Variants in LAMA2 observed in about 807,000 individuals in gnomAD.
LAMA2 encodes laminin subunit alpha-2.
Under a neutral mutation model 364.8 loss-of-function variants are expected in LAMA2, and 269 were observed. That is an observed-to-expected ratio of 0.74 (90% CI 0.67 to 0.82). LAMA2 has a LOEUF of 0.82. LAMA2 is among the 40% of genes least tolerant of loss of function. The pLI is 0.00. For synonymous variants in LAMA2, 1,379 were observed against 1,370.6 expected (o/e 1.01, Z -0.14); for missense variants, 3,807 against 3,873.2 (o/e 0.98, Z 0.45).
rs149867744 is a variant in LAMA2, at chr6:129,481,349, A to G, written c.7659A>G (p.Ser2553=). Residue 2553 remains serine (S), a synonymous_variant, in exon 55 of 65, where the codon TCA becomes TCG. Transcript: ENST00000421865. The part of the protein sequence containing the change: ...PIDVGTEINL[S]FSTKNESGII... ...ATGTAGGAACAGAAATCAACCTGTC[A>G]TTCAGCACCAAGAATGAGTCCGGCA... The G allele has an allele frequency of 1.7e-4, 270 of 1,613,918 alleles. 2 individuals carry two copies. Among genetic ancestry groups the G allele is most frequent in the Non-Finnish European group, 2.1e-4 (251 of 1,179,856 alleles).
intron 1 of LAMA2, among the ~76,000 whole-genome samples, chr6:128,936,699 A>G (rs946487379): frequency 2.0e-5 from 3 of 152,190 alleles, no homozygotes; most frequent in Admixed American, 1.3e-4. Flanking sequence ...CCCCCTCAAA[A>G]TATCTTATTG....
chr6:129,343,220 G>A (rs1776364847), intron 30 of LAMA2, among the ~76,000 whole-genome samples: 1 of 152,118 alleles, frequency 6.6e-6, no homozygotes. Flanking sequence ...ATTTGCTTTT[G>A]AAAATAATGT....
At chr6:128,896,319 T>G (rs1776768389) in intron 1 of LAMA2, among the ~76,000 whole-genome samples, 1 of 152,062 alleles carries the variant, frequency 6.6e-6, no homozygotes, top group Non-Finnish European at 1.5e-5. Context: ...ATTTCTTTGT[T>G]AGGAGGTGTT....
At chr6:129,349,166 A>G (rs777364919) in intron 30 of LAMA2, 132 bp from the exon 31 acceptor site, 11 of 700,654 alleles carry the variant, frequency 1.6e-5, no homozygotes, top group African/African-American at 5.3e-5. Context: ...TAAGAACTTC[A>G]GCAATAATTA....
At chr6:129,275,520 T>G (rs1046115513) in intron 17 of LAMA2, among the ~76,000 whole-genome samples, 16 of 151,952 alleles carry the variant, frequency 1.1e-4, no homozygotes, top group Non-Finnish European at 2.4e-4. Flanking sequence ...TCAGACAAAC[T>G]GTAAATGTTC....
At chr6:129,295,389 TG>T (rs1773107230) in intron 20 of LAMA2, among the ~76,000 whole-genome samples, 1 of 152,176 alleles carries the variant, frequency 6.6e-6, no homozygotes, top group Non-Finnish European at 1.5e-5. Flanking sequence ...TCACTGGGTC[TG>T]GATAGCCACT....
chr6:129,216,481 T>C (rs1032758325), intron 12 of LAMA2, among the ~76,000 whole-genome samples: 1 of 152,154 alleles, frequency 6.6e-6, no homozygotes, highest in Non-Finnish European at 1.5e-5. Context: ...GAATGAATCA[T>C]GCTATGTTAC....
At chr6:129,460,675 T>A (rs939744709) in intron 49 of LAMA2, among the ~76,000 whole-genome samples, 2 of 152,040 alleles carry the variant, frequency 1.3e-5, no homozygotes, top group Non-Finnish European at 2.9e-5. Context: ...GTTATAATTT[T>A]TTTTTCCTAA....
At chr6:128,994,569 TTC>T (rs1279585131) in intron 1 of LAMA2, among the ~76,000 whole-genome samples, 2 of 152,214 alleles carry the variant, frequency 1.3e-5, no homozygotes, top group African/African-American at 2.4e-5. Flanking sequence ...TGAATTTAAG[TTC>T]TACTGTATTT....
chr6:129,252,343 C>A, intron 14 of LAMA2, 48 bp downstream of exon 14: 1 of 1,481,824 alleles, frequency 6.7e-7, no homozygotes, highest in Non-Finnish European at 9.4e-7. Flanking sequence ...TACTTTGGGG[C>A]CAAGGTGCAG....
intron 1 of LAMA2, among the ~76,000 whole-genome samples, chr6:129,008,479 G>T (rs139640002): frequency 2.0e-5 from 3 of 152,246 alleles, no homozygotes; most frequent in African/African-American, 7.2e-5. Context: ...CCCTGGGAGA[G>T]TGGAAATATT....
chr6:129,017,707 A>G (rs1166191473), intron 1 of LAMA2, among the ~76,000 whole-genome samples: 1 of 152,106 alleles, frequency 6.6e-6, no homozygotes, highest in Non-Finnish European at 1.5e-5. Flanking sequence ...GTGTTTCCCA[A>G]GAGAGTCCCT....
intron 1 of LAMA2, among the ~76,000 whole-genome samples, chr6:128,982,771 C>T (rs1329223807): frequency 1.5e-5 from 2 of 129,980 alleles, no homozygotes; most frequent in African/African-American, 5.8e-5. Flanking sequence ...CCCACCCCAC[C>T]CCACAACAGT....
chr6:129,161,757 G>C (rs549468389), intron 8 of LAMA2, among the ~76,000 whole-genome samples: 1 of 152,206 alleles, frequency 6.6e-6, no homozygotes, highest in Non-Finnish European at 1.5e-5. Flanking sequence ...GCAGTATCTG[G>C]TTTTCTATTC....
rs1780030171 is a variant in LAMA2, at chr6:129,402,384, G to C, written c.5623G>C (p.Asp1875His). The change falls in exon 39 of 65, where the codon GAT becomes CAT. Residue 1875 changes from aspartate (D) to histidine (H), a missense_variant. Around this residue, in one of 3 missense-constraint regions of LAMA2, gnomAD observed 3,333 missense variants for 3,345.7 expected, o/e 1.00. Coordinates refer to ENST00000421865, the MANE Select transcript of LAMA2 (RefSeq NM_000426.4). ...GTCTGAGGAGCTTAATGATAAAATA[G>C]ATGACCTCTCCCAAGAAATAAAGGA... ...PMSEELNDKI[D>H]DLSQEIKDRK... is the part of the protein sequence containing the mutation. The C allele has an allele frequency of 6.2e-7, 1 of 1,613,886 alleles. No individual in the cohort carries two copies. Among genetic ancestry groups the C allele is most frequent in the Non-Finnish European group, 8.5e-7 (1 of 1,179,870 alleles).
At chr6:129,391,772 A>T in intron 36 of LAMA2, 119 bp downstream of exon 36, 1 of 782,168 alleles carries the variant, frequency 1.3e-6, no homozygotes. Context: ...CAACCTGGAG[A>T]TATTTGCTAT....
chr6:129,149,408 C>A (rs1453307698), intron 7 of LAMA2, among the ~76,000 whole-genome samples: 2 of 152,074 alleles, frequency 1.3e-5, no homozygotes, highest in Non-Finnish European at 2.9e-5. Context: ...GAACTGCAAA[C>A]CTAAACTAGT....
chr6:129,307,438 G>A (rs975022400), intron 22 of LAMA2, among the ~76,000 whole-genome samples: 11 of 152,254 alleles, frequency 7.2e-5, no homozygotes, highest in African/African-American at 2.2e-4. Context: ...TTTTGAACAC[G>A]TATTCTATTT....
chr6:129,144,007 G>T lies in LAMA2; in HGVS notation c.746G>T (p.Arg249Leu). The change falls in exon 5 of 65, where the codon CGC becomes CTC. Residue 249 changes from arginine to leucine, a missense_variant. Transcript: ENST00000421865. ...ATTCGCCTGAGATTTCAGAGGATCC[G>T]CACACTGAATGCTGACTTGATGATG... ...RYIRLRFQRIRTLNADLMMFA... is the reference protein window; with the variant it reads ...RYIRLRFQRILTLNADLMMFA... The T allele has an allele frequency of 6.2e-7, 1 of 1,612,416 alleles. No individual in the cohort carries two copies. The highest frequency in any genetic ancestry group is 8.5e-7 in the Non-Finnish European group (1 of 1,178,892).
Sources: allele counts gnomAD v4.1 joint callset (sites outside exome capture counted in the v4.1 genomes callset), GRCh38; gene constraint gnomAD v4.1.1; regional missense constraint gnomAD v4.1.1; transcripts MANE v1.5; gene names NCBI Gene and HGNC (gene_info 2026-07-23, HGNC 2026-07-21).